Variants in CSMD3 observed in about 807,000 individuals in gnomAD.
The protein encoded by CSMD3 is CUB and Sushi multiple domains 3.
A neutral mutation model predicts 435.2 loss-of-function variants in CSMD3; 177 were observed. The observed-to-expected ratio is 0.41, with a 90% CI of 0.36 to 0.46. The LOEUF (loss-of-function observed/expected upper bound fraction) is 0.46, where lower values mean the gene tolerates loss of function less well. Among genes scored for constraint, CSMD3 ranks in the 20% least tolerant of loss-of-function variants. The pLI is 0.34. For synonymous variants in CSMD3, 1,656 were observed against 1,520.5 expected (o/e 1.09, Z -2.07); for missense variants, 4,265 against 4,504.6 (o/e 0.95, Z 1.52).
chr8:113,121,333 C>A (rs1215973446), intron 4 of CSMD3, among the ~76,000 whole-genome samples: 1 of 152,016 alleles, frequency 6.6e-6, no homozygotes, highest in Non-Finnish European at 1.5e-5. Flanking sequence ...TTCAGGGTGG[C>A]GTGCTAATGC....
chr8:112,306,300 A>G, intron 50 of CSMD3, 108 bp from the exon 51 acceptor site: 1 of 783,386 alleles, frequency 1.3e-6, no homozygotes, highest in Middle Eastern at 3.5e-4. Flanking sequence ...GATTTTTATC[A>G]ATTCCTCTGA....
At chr8:112,547,390 A>G (rs1340561787) in intron 27 of CSMD3, among the ~76,000 whole-genome samples, 2 of 152,104 alleles carry the variant, frequency 1.3e-5, no homozygotes. Context: ...CTGTACAAAA[A>G]AAAAATAAAA....
chr8:113,096,153 T>C (rs892849871), intron 5 of CSMD3, among the ~76,000 whole-genome samples: 1 of 152,178 alleles, frequency 6.6e-6, no homozygotes, highest in Non-Finnish European at 1.5e-5. Context: ...CTAAGATTTG[T>C]ATATCCAACT....
At chr8:112,875,085 C>T (rs2081243259) in intron 10 of CSMD3, among the ~76,000 whole-genome samples, 1 of 152,086 alleles carries the variant, frequency 6.6e-6, no homozygotes, top group Non-Finnish European at 1.5e-5. Flanking sequence ...TTAGTCCTTC[C>T]TTCAGGAGCT....
chr8:112,603,897 G>A (rs1365315879), intron 22 of CSMD3, among the ~76,000 whole-genome samples: 1 of 152,016 alleles, frequency 6.6e-6, no homozygotes, highest in Non-Finnish European at 1.5e-5. Flanking sequence ...TAAGGCACTG[G>A]TAACAAACAA....
chr8:113,163,434 ATTATAT>A (rs2092084223), intron 4 of CSMD3, among the ~76,000 whole-genome samples: 1 of 152,040 alleles, frequency 6.6e-6, no homozygotes, highest in Admixed American at 6.6e-5. Context: ...AATGTCTGAT[ATTATAT>A]TTATAACTAA....
At chr8:113,371,695 A>C (rs569672213) in intron 1 of CSMD3, among the ~76,000 whole-genome samples, 3 of 152,294 alleles carry the variant, frequency 2.0e-5, no homozygotes, top group African/African-American at 7.2e-5. Flanking sequence ...TACATCTAAG[A>C]ATTACAGACT....
chr8:113,292,775 G>C (rs2093694924), intron 2 of CSMD3, among the ~76,000 whole-genome samples: 1 of 151,458 alleles, frequency 6.6e-6, no homozygotes, highest in African/African-American at 2.4e-5. Flanking sequence ...AAGTAATTGA[G>C]GATTTGCCAT....
At chr8:112,710,853 C>T (rs986408539) in intron 13 of CSMD3, among the ~76,000 whole-genome samples, 2 of 150,752 alleles carry the variant, frequency 1.3e-5, no homozygotes, top group African/African-American at 2.4e-5. Flanking sequence ...CTTTGTACTT[C>T]GTAAGAGATA....
At chr8:112,610,588 A>C (rs1368400705) in intron 22 of CSMD3, among the ~76,000 whole-genome samples, 1 of 152,204 alleles carries the variant, frequency 6.6e-6, no homozygotes, top group Admixed American at 6.5e-5. Flanking sequence ...TGATCGTATT[A>C]ACCAATAAAT....
In CSMD3 at chr8:112,723,976, GA is replaced by G. The variant is rs1008382258; in HGVS notation, c.1973-33927del. On this transcript the variant is annotated intron_variant, in intron 13 of 70. Coordinates refer to ENST00000297405, the MANE Select transcript of CSMD3 (RefSeq NM_198123.2). Reference sequence around the variant, plus strand: ...GATCATCCGTTCACTCCCCACCTTGGAAAAAAAAAATACCTGTCCTTTTGGA... The same window carrying G: ...GATCATCCGTTCACTCCCCACCTTGGAAAAAAAAATACCTGTCCTTTTGGA... 1.0e-3 allele frequency among the ~76,000 whole-genome samples: 152 copies of G among 146,490 alleles called. 1 individual carries two copies. The highest frequency in any genetic ancestry group is 3.3e-3 in the African/African-American group (134 of 40,024).
intron 3 of CSMD3, among the ~76,000 whole-genome samples, chr8:113,192,169 A>G (rs2092595590): frequency 6.6e-6 from 1 of 151,712 alleles, no homozygotes; most frequent in Non-Finnish European, 1.5e-5. Flanking sequence ...TTTGGAAACC[A>G]TGTACATTAG....
chr8:112,759,198 G>A (rs1410385506), intron 13 of CSMD3, among the ~76,000 whole-genome samples: 1 of 152,004 alleles, frequency 6.6e-6, no homozygotes, highest in African/African-American at 2.4e-5. Flanking sequence ...ACTTTCAGGA[G>A]GAAGACAGGA....
intron 1 of CSMD3, among the ~76,000 whole-genome samples, chr8:113,342,133 C>T (rs923022873): frequency 6.6e-6 from 1 of 150,584 alleles, no homozygotes; most frequent in African/African-American, 2.4e-5. Context: ...AATGAAAGAA[C>T]ACGTGGACCA....
intron 7 of CSMD3, among the ~76,000 whole-genome samples, chr8:112,968,061 C>T (rs905486871): frequency 4.0e-5 from 6 of 151,282 alleles, no homozygotes; most frequent in Admixed American, 6.6e-5. Context: ...AAGAAGTTTT[C>T]GAATTTAAGG....
chr8:112,896,648 A>G (rs906520581), intron 10 of CSMD3, among the ~76,000 whole-genome samples: 1 of 151,402 alleles, frequency 6.6e-6, no homozygotes, highest in African/African-American at 2.4e-5. Flanking sequence ...ACAAGTTATC[A>G]CAATTTCTTG....
intron 13 of CSMD3, among the ~76,000 whole-genome samples, chr8:112,783,818 C>T (rs2078464785): frequency 6.8e-6 from 1 of 147,836 alleles, no homozygotes; most frequent in Admixed American, 6.7e-5. Context: ...AAATAGATTT[C>T]AAGACAAAAA....
At chr8:112,556,688 A>G in intron 25 of CSMD3, 75 bp downstream of exon 25, 1 of 1,226,072 alleles carries the variant, frequency 8.2e-7, no homozygotes. Flanking sequence ...GGACAGAAAG[A>G]ATTTCTTAAA....
intron 10 of CSMD3, among the ~76,000 whole-genome samples, chr8:112,863,332 ACTT>A (rs570859062): frequency 1.8e-3 from 272 of 151,876 alleles, no homozygotes; most frequent in Middle Eastern, 3.5e-3. Context: ...TTATAATTAA[ACTT>A]CTTCTACAAA....
Sources: gnomAD v4.1 joint callset for allele counts (sites outside exome capture counted in the v4.1 genomes callset) on GRCh38, gnomAD v4.1.1 for gene constraint, MANE v1.5 for transcripts, NCBI Gene and HGNC (gene_info 2026-07-23, HGNC 2026-07-21) for gene names.